The following SERAC1 variants were observed in gnomAD, a reference collection of about 807,000 sequenced individuals.
SERAC1 encodes the protein serine active site containing 1, also known as protein SERAC1.
SERAC1 carries 36 observed loss-of-function variants against 85.7 expected under a neutral mutation model. That is an observed-to-expected ratio of 0.42 (90% CI 0.32 to 0.55). The LOEUF (loss-of-function observed/expected upper bound fraction) is 0.55. SERAC1 is among the 20% of genes least tolerant of loss of function. The pLI is 0.11. For synonymous variants in SERAC1, 242 were observed against 265.3 expected (o/e 0.91, Z 0.85); for missense variants, 629 against 796.2 (o/e 0.79, Z 2.53).
intron 5 of SERAC1, among the ~76,000 whole-genome samples, chr6:158,148,408 T>C (rs1251491141): frequency 6.6e-6 from 1 of 152,194 alleles, no homozygotes; most frequent in Admixed American, 6.5e-5. Context: ...CATTAAGCCC[T>C]TAAAATTAAA....
intron 3 of SERAC1, among the ~76,000 whole-genome samples, chr6:158,154,239 C>T (rs1785274091): frequency 6.7e-6 from 1 of 150,214 alleles, no homozygotes; most frequent in South Asian, 2.1e-4. Flanking sequence ...TAAATGTATT[C>T]AGTACTTTTA....
intron 13 of SERAC1, chr6:158,116,551 T>G: frequency 2.7e-6 from 1 of 367,372 alleles, no homozygotes. Context: ...CTCTGCTCAA[T>G]TCCTGAAATC....
Position 158,117,741 on chromosome 6 carries a change from C to T in SERAC1, c.1389G>A (p.Arg463=). 6.2e-7 allele frequency: 1 copy of T among 1,614,126 alleles called. No individual in the cohort carries two copies. Among genetic ancestry groups the T allele is most frequent in the Non-Finnish European group, 8.5e-7 (1 of 1,179,988 alleles). Residue 463 remains arginine (R), a synonymous_variant, in exon 13 of 17, where the codon AGG becomes AGA. Transcript: ENST00000647468. The surrounding 1 kb of genome is among the most constrained non-coding windows in gnomAD (Gnocchi z 4.3). ...GCCTCTGTTACCTTTCCATAGGGCA[C>T]CTTGCTCTCCAGTCGCTGAGGCTGG... ...YDTSLSDWRA[R]CPMERKSIAF...
chr6:158,111,648 T>G, intron 16 of SERAC1, 146 bp from the exon 17 acceptor site: 2 of 560,640 alleles, frequency 3.6e-6, no homozygotes, highest in Non-Finnish European at 6.0e-6. Flanking sequence ...TGAAGTTTGA[T>G]TGCAGCTAAA....
chr6:158,150,344 T>C lies in SERAC1; in HGVS notation c.265+109A>G, dbSNP rs1400854753. Reference sequence around the variant, plus strand: ...GGTTTTCACGGGGTTTGGTGATTCTTAGAATTAGCTCAATCTGTATTACTA... The same window carrying C: ...GGTTTTCACGGGGTTTGGTGATTCTCAGAATTAGCTCAATCTGTATTACTA... On this transcript the variant is annotated intron_variant, in intron 4 of 16. Coordinates refer to ENST00000647468, the MANE Select transcript of SERAC1 (RefSeq NM_032861.4). 27 of 825,756 alleles carry C rather than the reference T, an allele frequency of 3.3e-5. 1 individual carries two copies. Among genetic ancestry groups the C allele is most frequent in the Non-Finnish European group, 4.3e-5 (24 of 563,574 alleles). 51.2% of individuals were successfully genotyped at this position (825,756 alleles called of 1,614,324 possible). A position where few individuals can be genotyped will look rare whatever the true frequency, so the allele number is the denominator to read the frequency against.
chr6:158,149,717 C>G (rs941409342), intron 4 of SERAC1, among the ~76,000 whole-genome samples: 1 of 152,108 alleles, frequency 6.6e-6, no homozygotes, highest in African/African-American at 2.4e-5. Context: ...TTGAAATACA[C>G]AAAATGATAT....
intron 2 of SERAC1, among the ~76,000 whole-genome samples, chr6:158,157,225 G>A (rs1449305972): frequency 6.6e-6 from 1 of 151,844 alleles, no homozygotes; most frequent in African/African-American, 2.4e-5. Context: ...TTGAACTCCT[G>A]ACTTCAAGTG....
At chr6:158,155,407 A>T in intron 2 of SERAC1, 56 bp from the exon 3 acceptor site, 1 of 1,023,386 alleles carries the variant, frequency 9.8e-7, no homozygotes, top group East Asian at 2.4e-5. Flanking sequence ...TGTGAAAGGA[A>T]ATAGGCAACA....
intron 2 of SERAC1, among the ~76,000 whole-genome samples, chr6:158,156,887 TATATTTATATA>T (rs1191424769): frequency 4.6e-5 from 6 of 131,786 alleles, no homozygotes; most frequent in Non-Finnish European, 9.6e-5. Flanking sequence ...TAGATATTAA[TATATTTATATA>T]GATATTAATA....
Position 158,148,900 on chromosome 6 carries a change from G to A in SERAC1, c.320C>T (p.Ala107Val), listed in dbSNP as rs1785136139. ...ATTCCGCAGTATCTTGGCTGATGTT[G>A]CCAATACTTTTCTTACTGCTTTGTG... ...ELHKAVRKVL[A>V]TSAKILRNPF... Residue 107 changes from alanine to valine, a missense_variant, in exon 5 of 17, where the codon GCA (alanine) becomes GTA (valine). Coordinates refer to ENST00000647468, the MANE Select transcript of SERAC1 (RefSeq NM_032861.4). 1 of 1,612,420 alleles carries A rather than the reference G, an allele frequency of 6.2e-7. No individual in the cohort carries two copies. The highest frequency in any genetic ancestry group is 8.5e-7 in the Non-Finnish European group (1 of 1,179,174).
chr6:158,138,876 G>C (rs977563487), intron 8 of SERAC1, among the ~76,000 whole-genome samples: 3 of 152,172 alleles, frequency 2.0e-5, no homozygotes, highest in Admixed American at 2.0e-4. Context: ...AGGAAAAAAT[G>C]TATAAATTGG....
At chr6:158,147,247 T>C (rs1785086315) in intron 5 of SERAC1, among the ~76,000 whole-genome samples, 1 of 151,566 alleles carries the variant, frequency 6.6e-6, no homozygotes, top group Non-Finnish European at 1.5e-5. Flanking sequence ...CAAACAATCC[T>C]CCCACCTCAG....
chr6:158,149,877 T>C (rs1277027191), intron 4 of SERAC1, among the ~76,000 whole-genome samples: 1 of 152,170 alleles, frequency 6.6e-6, no homozygotes, highest in Admixed American at 6.5e-5. Flanking sequence ...CACCATGCTA[T>C]CCATATGTTG....
intron 3 of SERAC1, chr6:158,151,003 T>C (rs1738384509): frequency 6.4e-6 from 1 of 156,500 alleles, no homozygotes; most frequent in Non-Finnish European, 1.4e-5. Context: ...ATAGTATACT[T>C]TTATTGCTAT....
At chr6:158,146,663 G>C (rs1583594785) in intron 6 of SERAC1, 119 bp downstream of exon 6, 1 of 1,254,064 alleles carries the variant, frequency 8.0e-7, no homozygotes, top group East Asian at 2.5e-5. Flanking sequence ...AACCAGCGTG[G>C]CCTCCCAAAG....
chr6:158,129,428 G>A (rs1017541923), intron 9 of SERAC1, among the ~76,000 whole-genome samples: 4 of 152,190 alleles, frequency 2.6e-5, no homozygotes, highest in Admixed American at 2.6e-4. Flanking sequence ...TCACCAGGGT[G>A]CTGGCTACAA....
At chr6:158,134,850 T>C (rs34179130) in intron 8 of SERAC1, among the ~76,000 whole-genome samples, 3,065 of 152,164 alleles carry the variant, frequency 0.02, 64 homozygotes, top group South Asian at 0.061. Flanking sequence ...AAATCGTGTA[T>C]TAATTTCAAA....
chr6:158,150,076 G>A (rs759220205), intron 4 of SERAC1, among the ~76,000 whole-genome samples: 1 of 152,194 alleles, frequency 6.6e-6, no homozygotes, highest in Non-Finnish European at 1.5e-5. Context: ...TATATCTCAT[G>A]AGTTTGGTTT....
intron 8 of SERAC1, among the ~76,000 whole-genome samples, chr6:158,137,952 G>C (rs1784831126): frequency 6.6e-6 from 1 of 152,198 alleles, no homozygotes; most frequent in Non-Finnish European, 1.5e-5. Context: ...TGAGGCACCT[G>C]AAATGGGTAG....
Sources: gnomAD v4.1 joint callset for allele counts (sites outside exome capture counted in the v4.1 genomes callset) on GRCh38, gnomAD v4.1.1 for gene constraint, Gnocchi (gnomAD v3.1) non-coding constraint, MANE v1.5 for transcripts, NCBI Gene and HGNC (gene_info 2026-07-23, HGNC 2026-07-21) for gene names.